Variants in RFC3 observed in about 807,000 individuals in gnomAD.
RFC3 encodes replication factor C subunit 3, also known as A1 38 kDa subunit.
Under a neutral mutation model 45.1 loss-of-function variants are expected in RFC3, and 41 were observed. That is an observed-to-expected ratio of 0.91 (90% CI 0.71 to 1.18). RFC3 has a LOEUF of 1.18. Ranked by LOEUF, RFC3 falls within the 50% of genes most tolerant of loss-of-function variation. RFC3 has a pLI of 0.00. For synonymous variants in RFC3, 149 were observed against 144.0 expected, an observed-to-expected ratio of 1.03 and a Z score of -0.25; for missense variants, 423 against 428.1, an observed-to-expected ratio of 0.99 and a Z score of 0.10.
intron 8 of RFC3, among the ~76,000 whole-genome samples, chr13:33,901,331 A>G (rs1420808745): frequency 1.3e-5 from 2 of 152,128 alleles, no homozygotes; most frequent in Non-Finnish European, 2.9e-5. Flanking sequence ...AATGTGGTAT[A>G]TATACACAAT....
intron 8 of RFC3, among the ~76,000 whole-genome samples, chr13:33,880,588 T>A (rs993291842): frequency 6.6e-5 from 10 of 152,232 alleles, no homozygotes; most frequent in African/African-American, 2.4e-4. Flanking sequence ...ACTGAATTTT[T>A]AATTTTATTT....
chr13:33,830,506 C>A (rs1037256190), intron 5 of RFC3, among the ~76,000 whole-genome samples: 13 of 152,092 alleles, frequency 8.5e-5, no homozygotes, highest in African/African-American at 3.1e-4. Flanking sequence ...AAATATCTTT[C>A]CAGCTTTTAA....
intron 6 of RFC3, 138 bp from the exon 7 acceptor site, chr13:33,831,118 C>T (rs1181160387): frequency 4.7e-6 from 3 of 635,984 alleles, no homozygotes; most frequent in East Asian, 2.7e-5. Context: ...GAACTCAGGC[C>T]ATAATGCTGG....
At chr13:33,888,895 G>C (rs185834354) in intron 8 of RFC3, among the ~76,000 whole-genome samples, 235 of 151,910 alleles carry the variant, frequency 1.5e-3, no homozygotes, top group African/African-American at 5.4e-3. Context: ...ACAGGCGCCC[G>C]CCACCATGCC....
At chr13:33,880,866 G>C (rs549089045) in intron 8 of RFC3, among the ~76,000 whole-genome samples, 1 of 152,250 alleles carries the variant, frequency 6.6e-6, no homozygotes, top group East Asian at 1.9e-4. Flanking sequence ...GACCAGCCTG[G>C]CCAATATAGT....
chr13:33,896,123 A>G lies in RFC3; in HGVS notation c.879+60906A>G, dbSNP rs570578211. ...TCGCCACTGTACAATTTGTTTGCAT[A>G]ACAAAAAAACCACTTGTACCCCAAA... is the stretch of plus-strand genomic sequence containing the variant. On this transcript the variant is annotated intron_variant, in intron 8 of 8. Transcript: ENST00000434425. 1.7e-3 allele frequency among the ~76,000 whole-genome samples: 264 copies of G among 152,050 alleles called. 1 individual carries two copies. Among genetic ancestry groups the G allele is most frequent in the Non-Finnish European group, 3.0e-3 (206 of 67,952 alleles).
Position 33,829,848 on chromosome 13 carries a change from C to T in RFC3, c.404C>T (p.Thr135Ile). 6.2e-7 allele frequency: 1 copy of T among 1,613,818 alleles called. No homozygotes were observed. The highest frequency in any genetic ancestry group is 8.5e-7 in the Non-Finnish European group (1 of 1,179,728). The part of the protein sequence containing the change: ...SQRDFKVVLL[T>I]EVDKLTKDAQ... ...CTCTTTGACTCAGTGGTATTATTGA[C>T]AGAAGTTGACAAACTCACCAAAGAT... Residue 135 changes from threonine (T) to isoleucine (I), a missense_variant, in exon 5 of 9, where the codon ACA becomes ATA. Transcript: ENST00000380071.
Position 33,836,462 on chromosome 13 carries a change from T to G in RFC3, c.*167T>G. On this transcript the variant is annotated 3_prime_UTR_variant, in exon 9 of 9. Transcript: ENST00000380071. ...ATCATCCTCTGAGTTAAATAATTGCTCCTATACTATTGAAGTATGTAGTTT... is the reference window on the plus strand; with the variant it reads ...ATCATCCTCTGAGTTAAATAATTGCGCCTATACTATTGAAGTATGTAGTTT... 7.1e-7 allele frequency: 1 copy of G among 1,410,572 alleles called. No individual in the cohort carries two copies. Among genetic ancestry groups the G allele is most frequent in the South Asian group, 1.6e-5 (1 of 62,130 alleles). 87.4% of individuals were successfully genotyped at this position (1,410,572 alleles called of 1,614,324 possible).
chr13:33,952,151 G>A (rs997300891), intron 8 of RFC3, among the ~76,000 whole-genome samples: 4 of 152,178 alleles, frequency 2.6e-5, no homozygotes, highest in Admixed American at 2.0e-4. Context: ...TTTATGTCTG[G>A]AGAATATTTT....
At chr13:33,908,187 A>G (rs1357965330) in intron 8 of RFC3, among the ~76,000 whole-genome samples, 1 of 152,056 alleles carries the variant, frequency 6.6e-6, no homozygotes, top group Non-Finnish European at 1.5e-5. Flanking sequence ...ACACACACAC[A>G]GTGCTACATT....
At chr13:33,948,912 G>C (rs1283862380) in intron 8 of RFC3, among the ~76,000 whole-genome samples, 3 of 152,152 alleles carry the variant, frequency 2.0e-5, no homozygotes, top group Non-Finnish European at 4.4e-5. Flanking sequence ...CAGGCTCATA[G>C]GCAGAAGCAA....
chr13:33,821,304 T>C, intron 2 of RFC3, 35 bp downstream of exon 2: 5 of 1,606,824 alleles, frequency 3.1e-6, no homozygotes, highest in Non-Finnish European at 4.3e-6. Context: ...GAAAGTAATT[T>C]ATAGCGGGGA....
chr13:33,852,223 C>T (rs1223956856), intron 8 of RFC3, among the ~76,000 whole-genome samples: 2 of 152,104 alleles, frequency 1.3e-5, no homozygotes, highest in Admixed American at 6.6e-5. Context: ...TACTGCAGGC[C>T]TGTCTTTATT....
chr13:33,845,977 A>G (rs1026536379), intron 8 of RFC3, among the ~76,000 whole-genome samples: 8 of 152,220 alleles, frequency 5.3e-5, no homozygotes, highest in African/African-American at 1.9e-4. Context: ...GTAGCCATAT[A>G]TGCATTAGGG....
chr13:33,916,164 G>A (rs962476172), intron 8 of RFC3, among the ~76,000 whole-genome samples: 1 of 152,180 alleles, frequency 6.6e-6, no homozygotes, highest in Non-Finnish European at 1.5e-5. Flanking sequence ...GAACATGCTT[G>A]CTTGCTGGAG....
chr13:33,873,413 C>T (rs763492652), intron 8 of RFC3, among the ~76,000 whole-genome samples: 18 of 152,198 alleles, frequency 1.2e-4, no homozygotes, highest in Non-Finnish European at 2.5e-4. Context: ...TGTTTTTCAA[C>T]TCCAAATACT....
chr13:33,888,195 G>C (rs928585124), intron 8 of RFC3, among the ~76,000 whole-genome samples: 34 of 152,264 alleles, frequency 2.2e-4, no homozygotes, highest in Admixed American at 2.6e-4. Flanking sequence ...TGGGGTGAAA[G>C]CATCATAACT....
At chr13:33,846,302 G>A (rs1593632872) in intron 8 of RFC3, 1 of 152,296 alleles carries the variant, frequency 6.6e-6, no homozygotes, top group East Asian at 1.9e-4. Context: ...AGGCCCAAGG[G>A]CTCTTTAGTC....
At chr13:33,912,139 A>T (rs1484597748) in intron 8 of RFC3, among the ~76,000 whole-genome samples, 23 of 152,086 alleles carry the variant, frequency 1.5e-4, no homozygotes, top group Admixed American at 1.5e-3. Flanking sequence ...AGAATTAATG[A>T]TTTGTAATCA....
Sources: gnomAD v4.1 joint callset for allele counts (sites outside exome capture counted in the v4.1 genomes callset) on GRCh38, gnomAD v4.1.1 for gene constraint, MANE v1.5 for transcripts, NCBI Gene and HGNC (gene_info 2026-07-23, HGNC 2026-07-21) for gene names.